CLCN3: variants seen among roughly 807,000 people sequenced by gnomAD.
CLCN3 encodes H(+)/Cl(-) exchange transporter 3.
In CLCN3, 16 loss-of-function variants were observed where a neutral mutation model predicts 83.4. The ratio of observed to expected loss-of-function variants is 0.19; its 90% CI spans 0.13 to 0.29. The LOEUF (loss-of-function observed/expected upper bound fraction) is 0.29, where lower values mean the gene tolerates loss of function less well. CLCN3 is among the 10% of genes least tolerant of loss of function. The pLI, the probability that CLCN3 is intolerant of heterozygous loss-of-function variation, is 1.00. For missense variants in CLCN3, 544 were observed against 1,006.0 expected (o/e 0.54, Z 6.21); for synonymous variants, 322 against 346.2 (o/e 0.93, Z 0.78).
chr4:169,701,801 T>C (rs1732794866), intron 9 of CLCN3, among the ~76,000 whole-genome samples: 1 of 152,200 alleles, frequency 6.6e-6, no homozygotes, highest in African/African-American at 2.4e-5. Context: ...CATTTGACCT[T>C]GGACTTAGGG....
chr4:169,710,673 T>A (rs1279356747), intron 11 of CLCN3, among the ~76,000 whole-genome samples: 4 of 152,240 alleles, frequency 2.6e-5, no homozygotes, highest in Non-Finnish European at 5.9e-5. Flanking sequence ...TTTTAAACAT[T>A]TCTAAAATTA....
intron 2 of CLCN3, among the ~76,000 whole-genome samples, chr4:169,679,756 G>A (rs1488589015): frequency 6.6e-6 from 1 of 152,176 alleles, no homozygotes; most frequent in Non-Finnish European, 1.5e-5. Flanking sequence ...CAGGCGTGGC[G>A]GCGCGTGCCT....
chr4:169,714,837 T>C (rs1348552437), intron 12 of CLCN3, among the ~76,000 whole-genome samples: 1 of 152,096 alleles, frequency 6.6e-6, no homozygotes, highest in Non-Finnish European at 1.5e-5. Context: ...TAGATACTGA[T>C]TGGAGAAGAG....
At chr4:169,678,651 T>G (rs962796533) in intron 2 of CLCN3, among the ~76,000 whole-genome samples, 1 of 152,284 alleles carries the variant, frequency 6.6e-6, no homozygotes, top group African/African-American at 2.4e-5. Context: ...AAGCATCTGT[T>G]TAACAAAGCA....
At chr4:169,624,546 G>A (rs7696352) in intron 1 of CLCN3, among the ~76,000 whole-genome samples, 53,243 of 151,940 alleles carry the variant, frequency 0.35, 9,518 homozygotes, top group South Asian at 0.4. Context: ...TGGGATTACA[G>A]GCATGAGCCA....
At chr4:169,648,038 T>A (rs1730624558) in intron 2 of CLCN3, among the ~76,000 whole-genome samples, 1 of 152,136 alleles carries the variant, frequency 6.6e-6, no homozygotes, top group African/African-American at 2.4e-5. Context: ...TGAATGACAT[T>A]TTACAGGATA....
rs534745147 is a variant in CLCN3, at chr4:169,655,514, A to G, written c.160+19426A>G. On this transcript the variant is annotated intron_variant, in intron 2 of 12. Coordinates refer to ENST00000513761, the MANE Select transcript of CLCN3 (RefSeq NM_001829.4). ...GTGATGTTTTTTGTTTTTGTTTCTAAGATGGGGTCTTGCTCTATTGCCCAG... is the reference window on the plus strand; with the variant it reads ...GTGATGTTTTTTGTTTTTGTTTCTAGGATGGGGTCTTGCTCTATTGCCCAG... Among the ~76,000 whole-genome samples, 4 of 152,304 alleles carry G rather than the reference A, an allele frequency of 2.6e-5. No homozygotes were observed. In the South Asian group the frequency reaches 8.3e-4, roughly 32 times the overall value.
At chr4:169,654,690 A>G (rs868522606) in intron 2 of CLCN3, among the ~76,000 whole-genome samples, 18 of 152,286 alleles carry the variant, frequency 1.2e-4, no homozygotes, top group African/African-American at 4.3e-4. Context: ...TATTTATAAC[A>G]TTATTGCATC....
intron 2 of CLCN3, chr4:169,659,942 ATTAC>A (rs1190577415): frequency 2.0e-5 from 12 of 599,236 alleles, no homozygotes; most frequent in African/African-American, 6.1e-5. Flanking sequence ...ACATCTCTGT[ATTAC>A]TTTTTCCCCT....
chr4:169,664,692 A>T (rs1287483674), intron 2 of CLCN3, among the ~76,000 whole-genome samples: 1 of 152,228 alleles, frequency 6.6e-6, no homozygotes, highest in Non-Finnish European at 1.5e-5. Context: ...CAGTATCTGA[A>T]TTTCAAATCT....
chr4:169,703,528 A>G (rs1327433962), intron 9 of CLCN3, among the ~76,000 whole-genome samples: 1 of 152,162 alleles, frequency 6.6e-6, no homozygotes, highest in African/African-American at 2.4e-5. Flanking sequence ...TACTTTTAAA[A>G]ATATATATTT....
At position 169,713,081 on chromosome 4, in the gene CLCN3, A is replaced by G. The variant is rs1445735089; in HGVS notation, c.2152A>G (p.Ser718Gly). The change falls in exon 12 of 13, where the codon AGT becomes GGT. Residue 718 changes from serine (S) to glycine (G), a missense_variant and splice_region_variant. Physicochemically the swap from Ser to Gly is moderately conservative, Grantham distance 56 (BLOSUM62 0). Transcript: ENST00000513761. ...TGGTCTCTTCTCTCTCTTTTCAGAAAGTGCCAGGAAAAAACAAGAAGGTAT... is the reference window on the plus strand; with the variant it reads ...TGGTCTCTTCTCTCTCTTTTCAGAAGGTGCCAGGAAAAAACAAGAAGGTAT... ...LRRDLTIAIESARKKQEGIVG... is the reference protein window; with the variant it reads ...LRRDLTIAIEGARKKQEGIVG... 1 of 1,613,442 alleles carries G rather than the reference A, an allele frequency of 6.2e-7. No individual in the cohort carries two copies. The highest frequency in any genetic ancestry group is 1.1e-5 in the South Asian group (1 of 91,012).
chr4:169,638,604 G>A (rs1430166952), intron 2 of CLCN3, among the ~76,000 whole-genome samples: 1 of 151,966 alleles, frequency 6.6e-6, no homozygotes, highest in Non-Finnish European at 1.5e-5. Flanking sequence ...TAGCTCTTTA[G>A]CCCTTTATGT....
rs576954021 is a variant in CLCN3, at chr4:169,703,039, T to C, written c.1564-959T>C. Among the ~76,000 whole-genome samples, 13 of 152,306 alleles carry C rather than the reference T, an allele frequency of 8.5e-5. 1 individual carries two copies. The highest frequency in any genetic ancestry group is 4.1e-4 in the South Asian group (2 of 4,824). On this transcript the variant is annotated intron_variant, in intron 9 of 12. Transcript: ENST00000513761. ...GCAGTCAGACCACATACAACACTTA[T>C]TAAGTTCACTTTCTTCTATGGGCAT...
At position 169,689,047 on chromosome 4, in the gene CLCN3, A is replaced by T. The variant is rs1732266179; in HGVS notation, c.423A>T (p.Ala141=). The T allele has an allele frequency of 2.5e-6, 4 of 1,609,634 alleles. No homozygotes were observed. Among genetic ancestry groups the T allele is most frequent in the Non-Finnish European group, 2.5e-6 (3 of 1,178,726 alleles). The stretch of plus-strand genomic sequence containing the variant: ...ATCTCCAACATGTTTTTATAGGGGC[A>T]CTGGCCGGATTAATAGACATTGCTG... The part of the protein sequence containing the change: ...VVTLTGLASG[A]LAGLIDIAAD... Residue 141 remains alanine (A), a synonymous_variant, in exon 5 of 13, where the codon GCA becomes GCT. Coordinates refer to ENST00000513761, the MANE Select transcript of CLCN3 (RefSeq NM_001829.4).
intron 3 of CLCN3, among the ~76,000 whole-genome samples, chr4:169,686,869 C>A (rs1732179976): frequency 6.6e-6 from 1 of 152,162 alleles, no homozygotes; most frequent in South Asian, 2.1e-4. Flanking sequence ...ATCTATTACT[C>A]TTATTAATCT....
At chr4:169,700,516 C>T (rs961357457) in intron 9 of CLCN3, among the ~76,000 whole-genome samples, 3 of 152,104 alleles carry the variant, frequency 2.0e-5, no homozygotes, top group African/African-American at 7.2e-5. Flanking sequence ...GAGGCCTTGG[C>T]CTCCCAGAGT....
intron 2 of CLCN3, among the ~76,000 whole-genome samples, chr4:169,664,248 A>G (rs568461375): frequency 6.6e-6 from 1 of 152,320 alleles, no homozygotes; most frequent in African/African-American, 2.4e-5. Flanking sequence ...TGCCATTGAA[A>G]TAAAAGTTTG....
Position 169,722,358 on chromosome 4 carries a change from G to C in CLCN3, c.*2361G>C, listed in dbSNP as rs1467830513. 3 of 152,216 alleles carry C rather than the reference G, an allele frequency of 2.0e-5. No homozygotes were observed. The highest frequency in any genetic ancestry group is 4.4e-5 in the Non-Finnish European group (3 of 68,054). The allele number at this position is 152,216 out of a possible 1,614,324, so 9.4% of individuals were successfully genotyped here. On this transcript the variant is annotated 3_prime_UTR_variant, in exon 13 of 13. Coordinates refer to ENST00000513761, the MANE Select transcript of CLCN3 (RefSeq NM_001829.4). ...TTATTCCTTATTACTTCTCTCCTTT[G>C]ACAGACTTCAAGTTTTCTTCATAGC...
Sources: gnomAD v4.1 joint callset for allele counts (sites outside exome capture counted in the v4.1 genomes callset) on GRCh38, gnomAD v4.1.1 for gene constraint, MANE v1.5 for transcripts, NCBI Gene and HGNC (gene_info 2026-07-23, HGNC 2026-07-21) for gene names.